Variants in GLRA2 observed in about 807,000 individuals in gnomAD.
GLRA2 encodes glycine receptor alpha 2.
GLRA2 carries 11 observed loss-of-function variants against 31.6 expected under a neutral mutation model. That is an observed-to-expected ratio of 0.35 (90% confidence interval 0.22 to 0.58). The LOEUF (loss-of-function observed/expected upper bound fraction) is 0.58. Among genes scored for constraint, GLRA2 ranks in the 20% least tolerant of loss-of-function variants. The pLI is 0.84. For missense variants in GLRA2, 212 were observed against 351.8 expected (o/e 0.60, Z 3.18); for synonymous variants, 132 against 134.0 (o/e 0.99, Z 0.10).
the GLRA2 span, among the ~76,000 whole-genome samples, chrX:14,504,406 G>T: frequency 1.8e-5 from 2 of 109,725 alleles, no homozygotes; most frequent in Non-Finnish European, 3.8e-5. Flanking sequence ...AGCCAAACAG[G>T]TTTTTTTTTG....
At chrX:14,474,424 AACTC>A in the GLRA2 span, among the ~76,000 whole-genome samples, 1 of 111,586 alleles carries the variant, frequency 9.0e-6, no homozygotes, top group African/African-American at 3.3e-5. Context: ...CTCTAACCAG[AACTC>A]ACTGACTGTA....
At chrX:14,669,124 A>C (rs62586502) in intron 7 of GLRA2, among the ~76,000 whole-genome samples, 2 of 111,781 alleles carry the variant, frequency 1.8e-5, no homozygotes, top group African/African-American at 6.5e-5. Flanking sequence ...TGCAAGTCCA[A>C]AATTCAGCAG....
intron 8 of GLRA2, among the ~76,000 whole-genome samples, chrX:14,714,410 A>G (rs2091755150): frequency 8.9e-6 from 1 of 111,798 alleles, no homozygotes; most frequent in African/African-American, 3.3e-5. Context: ...CCAAGTATCA[A>G]TATTCCTGCA....
the GLRA2 span, among the ~76,000 whole-genome samples, chrX:14,490,194 C>A: frequency 1.9e-4 from 21 of 112,011 alleles, no homozygotes; most frequent in African/African-American, 6.2e-4. Flanking sequence ...GATGGGTAGT[C>A]AGTTACAATT....
intron 2 of GLRA2, among the ~76,000 whole-genome samples, chrX:14,537,142 T>G (rs1286520378): frequency 9.0e-6 from 1 of 111,209 alleles, no homozygotes; most frequent in African/African-American, 3.3e-5. Flanking sequence ...TTAGGACAAA[T>G]TATTATAAAA....
intron 8 of GLRA2, among the ~76,000 whole-genome samples, chrX:14,710,896 C>G (rs1393735100): frequency 8.9e-6 from 1 of 112,011 alleles, no homozygotes; most frequent in Non-Finnish European, 1.9e-5. Context: ...TCAACATTTC[C>G]AACAAATGGC....
rs186288979 is a variant in GLRA2, at chrX:14,609,573, A to C, written c.930+368A>C. ...ATTTATGCCATATTTTCAAGTATTT[A>C]TTGGTGAAACTATTGCAATTCATAT... On this transcript the variant is annotated intron_variant, in intron 7 of 8. Transcript: ENST00000218075. Among the ~76,000 whole-genome samples, 242 of 111,298 alleles carry C rather than the reference A, an allele frequency of 2.2e-3. 1 individual carries two copies. The highest frequency in any genetic ancestry group is 7.6e-3 in the African/African-American group (232 of 30,634).
chrX:14,466,579 C>A, the GLRA2 span, among the ~76,000 whole-genome samples: 2 of 98,551 alleles, frequency 2.0e-5, no homozygotes, highest in Non-Finnish European at 4.1e-5. Flanking sequence ...GATCCCTTTA[C>A]CTCACAGGGA....
At chrX:14,673,320 G>A (rs1410457591) in intron 7 of GLRA2, among the ~76,000 whole-genome samples, 13 of 111,512 alleles carry the variant, frequency 1.2e-4, no homozygotes, top group African/African-American at 4.2e-4. Flanking sequence ...TTCTAAGACT[G>A]CCTCTATTTT....
intron 2 of GLRA2, among the ~76,000 whole-genome samples, chrX:14,573,458 C>A (rs928926133): frequency 1.3e-4 from 15 of 111,730 alleles, no homozygotes; most frequent in African/African-American, 4.6e-4. Context: ...CAGGAGAAGG[C>A]AGCAAGTAAA....
At chrX:14,699,492 A>T in intron 8 of GLRA2, among the ~76,000 whole-genome samples, 1 of 112,361 alleles carries the variant, frequency 8.9e-6, no homozygotes. Context: ...ATGGGGTACA[A>T]TGTGAGGTTT....
At chrX:14,587,591 T>C (rs762283741) in intron 4 of GLRA2, among the ~76,000 whole-genome samples, 2 of 112,364 alleles carry the variant, frequency 1.8e-5, no homozygotes, top group South Asian at 7.3e-4. Flanking sequence ...TGTCTTCTTT[T>C]GAGAAGTGTC....
intron 2 of GLRA2, among the ~76,000 whole-genome samples, chrX:14,553,826 A>G (rs1046019293): frequency 8.9e-6 from 1 of 112,012 alleles, no homozygotes; most frequent in Non-Finnish European, 1.9e-5. Context: ...GAGTCCTTCT[A>G]TACTGGCTTC....
intron 7 of GLRA2, among the ~76,000 whole-genome samples, chrX:14,683,222 G>A (rs1372184765): frequency 3.6e-5 from 4 of 111,640 alleles, no homozygotes; most frequent in Non-Finnish European, 7.5e-5. Context: ...GTTGTTTCCT[G>A]ACTTTTTAAT....
At chrX:14,647,461 G>A (rs776193626) in intron 7 of GLRA2, among the ~76,000 whole-genome samples, 9 of 111,188 alleles carry the variant, frequency 8.1e-5, no homozygotes, top group African/African-American at 2.9e-4. Context: ...TACCAGAGTC[G>A]GAATCCATTT....
At chrX:14,490,158 AC>A in the GLRA2 span, among the ~76,000 whole-genome samples, 1 of 111,717 alleles carries the variant, frequency 9.0e-6, no homozygotes, top group African/African-American at 3.3e-5. Context: ...CAGGCTACTC[AC>A]CTGCCTGGGA....
chrX:14,463,121 T>C, the GLRA2 span, among the ~76,000 whole-genome samples: 1 of 111,725 alleles, frequency 9.0e-6, no homozygotes, highest in Non-Finnish European at 1.9e-5. Flanking sequence ...TGCAGGTCTG[T>C]TGGAGTTTGC....
intron 4 of GLRA2, among the ~76,000 whole-genome samples, chrX:14,586,381 C>G (rs1331487080): frequency 1.8e-5 from 2 of 112,308 alleles, no homozygotes; most frequent in African/African-American, 3.2e-5. Context: ...TATTCATTCT[C>G]TAATGTTTTA....
At chrX:14,550,214 A>G (rs1225092976) in intron 2 of GLRA2, among the ~76,000 whole-genome samples, 1 of 108,735 alleles carries the variant, frequency 9.2e-6, no homozygotes, top group Non-Finnish European at 1.9e-5. Flanking sequence ...TGCCAAAGAG[A>G]AAGAGAGGGA....
Sources: gnomAD v4.1 joint callset for allele counts (sites outside exome capture counted in the v4.1 genomes callset) on GRCh38, gnomAD v4.1.1 for gene constraint, MANE v1.5 for transcripts, NCBI Gene and HGNC (gene_info 2026-07-23, HGNC 2026-07-21) for gene names.